FGF12: variants seen among roughly 807,000 people sequenced by gnomAD.
FGF12 encodes the protein fibroblast growth factor 12B.
Under a neutral mutation model 23.6 loss-of-function variants are expected in FGF12, and 14 were observed. The observed-to-expected ratio is 0.59, with a 90% confidence interval of 0.39 to 0.93. The LOEUF (loss-of-function observed/expected upper bound fraction) is 0.93, where lower values mean the gene tolerates loss of function less well. Ranked by LOEUF, FGF12 falls within the 40% of genes least tolerant of loss-of-function variation. The pLI, the probability that FGF12 is intolerant of heterozygous loss-of-function variation, is 0.00. For synonymous variants in FGF12, 62 were observed against 77.3 expected (o/e 0.80, Z 1.04); for missense variants, 175 against 217.8 (o/e 0.80, Z 1.24).
intron 4 of FGF12, among the ~76,000 whole-genome samples, chr3:192,292,982 G>A (rs1714839137): frequency 6.6e-6 from 1 of 152,038 alleles, no homozygotes; most frequent in South Asian, 2.1e-4. Flanking sequence ...GTCATGCTAA[G>A]TTGCTCAGGC....
At chr3:192,567,757 C>CTTTA (rs1294390754) in intron 2 of FGF12, among the ~76,000 whole-genome samples, 4 of 128,224 alleles carry the variant, frequency 3.1e-5, no homozygotes, top group Non-Finnish European at 6.9e-5. Flanking sequence ...TTCTTTCTTT[C>CTTTA]TTTCTTTCTT....
chr3:192,204,487 A>G (rs1180284112), intron 4 of FGF12, among the ~76,000 whole-genome samples: 2 of 152,226 alleles, frequency 1.3e-5, no homozygotes, highest in Non-Finnish European at 1.5e-5. Context: ...CAAGAATTGT[A>G]AAGTGCCACA....
At chr3:192,365,541 AC>A (rs1163157256) in intron 2 of FGF12, among the ~76,000 whole-genome samples, 1 of 152,012 alleles carries the variant, frequency 6.6e-6, no homozygotes, top group Non-Finnish European at 1.5e-5. Flanking sequence ...GTATATGAGA[AC>A]TCTGTACTAT....
At chr3:192,573,554 C>T (rs1257736329) in intron 2 of FGF12, among the ~76,000 whole-genome samples, 1 of 152,078 alleles carries the variant, frequency 6.6e-6, no homozygotes, top group Non-Finnish European at 1.5e-5. Flanking sequence ...CTACAGCAGC[C>T]TACTAGCCTT....
chr3:192,208,587 A>G (rs1460877772), intron 4 of FGF12, among the ~76,000 whole-genome samples: 9 of 152,220 alleles, frequency 5.9e-5, no homozygotes, highest in Admixed American at 5.9e-4. Context: ...CATTATATTG[A>G]ATTTTCTTGT....
At chr3:192,227,962 AGTTT>A (rs1391350665) in intron 4 of FGF12, among the ~76,000 whole-genome samples, 2 of 152,144 alleles carry the variant, frequency 1.3e-5, no homozygotes, top group Non-Finnish European at 2.9e-5. Flanking sequence ...TTACTTTAAA[AGTTT>A]GTTTGTTTAG....
chr3:192,496,871 G>GT, intron 2 of FGF12, among the ~76,000 whole-genome samples: 1 of 152,178 alleles, frequency 6.6e-6, no homozygotes, highest in Non-Finnish European at 1.5e-5. Context: ...ACTCCTTCTG[G>GT]GTTTTTGGTA....
chr3:192,286,420 G>A (rs1211697412), intron 4 of FGF12, among the ~76,000 whole-genome samples: 1 of 152,010 alleles, frequency 6.6e-6, no homozygotes, highest in Non-Finnish European at 1.5e-5. Flanking sequence ...GAGTTATGGA[G>A]AATTTAAAGC....
rs1419507495 is a variant in FGF12 at position 192,649,883 on chromosome 3, CA to C, written c.13+77297del. On this transcript the variant is annotated intron_variant, in intron 2 of 5. Coordinates refer to ENST00000445105, the MANE Select transcript of FGF12 (RefSeq NM_004113.6). ...AACATTTTAACTTATGAATTATTTT[CA>C]TACAAGATAATAGTCTTTTTAAAAT... Among the ~76,000 whole-genome samples the C allele has an allele frequency of 2.6e-5, 4 of 152,214 alleles. No homozygotes were observed. The East Asian group carries it at 7.7e-4, about 29-fold the overall frequency.
intron 3 of FGF12, among the ~76,000 whole-genome samples, chr3:192,352,042 TTC>T (rs1491152955): frequency 7.0e-6 from 1 of 142,612 alleles, no homozygotes; most frequent in Non-Finnish European, 1.6e-5. Flanking sequence ...TCATATTTTT[TTC>T]TTTTTTTTTT....
chr3:192,355,347 A>G (rs1718420993), intron 3 of FGF12, among the ~76,000 whole-genome samples: 1 of 152,238 alleles, frequency 6.6e-6, no homozygotes, highest in African/African-American at 2.4e-5. Flanking sequence ...TGATAGATCA[A>G]TATAGTAGAT....
At chr3:192,489,931 C>A (rs1723750007) in intron 2 of FGF12, among the ~76,000 whole-genome samples, 1 of 151,982 alleles carries the variant, frequency 6.6e-6, no homozygotes. Context: ...ACCCCCATGA[C>A]ACATGTTTAT....
chr3:192,462,884 T>A (rs1302975037), intron 2 of FGF12, among the ~76,000 whole-genome samples: 3 of 152,188 alleles, frequency 2.0e-5, no homozygotes, highest in African/African-American at 7.2e-5. Flanking sequence ...AGAGAAGCAC[T>A]CTGTAGAAGC....
intron 4 of FGF12, among the ~76,000 whole-genome samples, chr3:192,197,392 A>G (rs1717124598): frequency 6.6e-6 from 1 of 152,188 alleles, no homozygotes; most frequent in South Asian, 2.1e-4. Flanking sequence ...AGTCTGCGTT[A>G]TATGAAATTT....
chr3:192,560,256 A>G (rs1711964597), intron 2 of FGF12, among the ~76,000 whole-genome samples: 1 of 152,100 alleles, frequency 6.6e-6, no homozygotes, highest in African/African-American at 2.4e-5. Context: ...TGAGATTCAA[A>G]TTCTTATATT....
chr3:192,157,278 C>A (rs1443877349), intron 5 of FGF12, among the ~76,000 whole-genome samples: 4 of 152,172 alleles, frequency 2.6e-5, no homozygotes, highest in African/African-American at 9.7e-5. Context: ...GAAAGCCCTG[C>A]AGTTCTGGTA....
At chr3:192,458,122 A>T (rs1333126854) in intron 2 of FGF12, among the ~76,000 whole-genome samples, 8 of 152,180 alleles carry the variant, frequency 5.3e-5, no homozygotes, top group Admixed American at 2.6e-4. Context: ...GATGTATGGA[A>T]ACGCCTGGAT....
intron 3 of FGF12, among the ~76,000 whole-genome samples, chr3:192,348,945 C>A (rs955538321): frequency 5.9e-5 from 9 of 152,118 alleles, no homozygotes; most frequent in African/African-American, 2.2e-4. Flanking sequence ...TAAACAGTTA[C>A]TATTATCTGA....
At chr3:192,706,762 T>C (rs1718485780) in intron 2 of FGF12, among the ~76,000 whole-genome samples, 1 of 152,180 alleles carries the variant, frequency 6.6e-6, no homozygotes, top group Admixed American at 6.5e-5. Flanking sequence ...CCCTGACCTT[T>C]TTACAACATA....
Sources: gnomAD v4.1 joint callset for allele counts (sites outside exome capture counted in the v4.1 genomes callset) on GRCh38, gnomAD v4.1.1 for gene constraint, MANE v1.5 for transcripts, NCBI Gene and HGNC (gene_info 2026-07-23, HGNC 2026-07-21) for gene names.